The following ITGAE variants were observed in gnomAD, a reference collection of about 807,000 sequenced individuals.
The protein encoded by ITGAE is integrin alpha-E.
ITGAE carries 99 observed loss-of-function variants against 136.5 expected under a neutral mutation model. The ratio of observed to expected loss-of-function variants is 0.73; its 90% confidence interval spans 0.62 to 0.86. The LOEUF (loss-of-function observed/expected upper bound fraction) is 0.86, where lower values mean the gene tolerates loss of function less well. Ranked by LOEUF, ITGAE falls within the 40% of genes least tolerant of loss-of-function variation. The probability of loss-of-function intolerance (pLI) is 0.00; values close to 1 mark genes in which losing one functional copy is unlikely to be tolerated. For missense variants in ITGAE, 1,447 were observed against 1,515.3 expected, an observed-to-expected ratio of 0.95 and a Z score of 0.75; for synonymous variants, 613 against 591.8, an observed-to-expected ratio of 1.04 and a Z score of -0.52.
chr17:3,764,259 A>G (rs2052240475), intron 2 of ITGAE, among the ~76,000 whole-genome samples: 1 of 152,098 alleles, frequency 6.6e-6, no homozygotes, highest in Non-Finnish European at 1.5e-5. Flanking sequence ...AGGGATGGGG[A>G]GGCCAGAAAA....
chr17:3,794,168 G>A (rs977957937), intron 1 of ITGAE, among the ~76,000 whole-genome samples: 3 of 151,712 alleles, frequency 2.0e-5, no homozygotes, highest in Non-Finnish European at 4.4e-5. Flanking sequence ...TAGTAGAGAC[G>A]GGGTTTTGCC....
chr17:3,772,211 G>A (rs2052440837), intron 2 of ITGAE, among the ~76,000 whole-genome samples: 2 of 152,092 alleles, frequency 1.3e-5, no homozygotes, highest in African/African-American at 2.4e-5. Context: ...CACCTGCCTC[G>A]ATGCGCCCCC....
At chr17:3,784,697 A>T (rs887759061) in intron 1 of ITGAE, among the ~76,000 whole-genome samples, 20 of 152,178 alleles carry the variant, frequency 1.3e-4, no homozygotes, top group African/African-American at 4.8e-4. Context: ...CCTCAGAAAC[A>T]TTATTTTCAA....
Position 3,719,234 on chromosome 17 carries a change from T to TAAAAAAAAAAAAAAAAAAAAAA in ITGAE, c.3333+1072_3333+1073insTTTTTTTTTTTTTTTTTTTTTT, listed in dbSNP as rs2050999265. 3.2e-4 allele frequency among the ~76,000 whole-genome samples: 11 copies of TAAAAAAAAAAAAAAAAAAAAAA among 34,704 alleles called. 2 individuals are homozygous for TAAAAAAAAAAAAAAAAAAAAAA. Among genetic ancestry groups the TAAAAAAAAAAAAAAAAAAAAAA allele is most frequent in the African/African-American group, 1.4e-3 (11 of 8,136 alleles). The allele number at this position is 34,704 out of a possible 152,430, so 22.8% of individuals were successfully genotyped here. Reference sequence around the variant, plus strand: ...CTGGGCGACACAGTGAGATTCTTCCTCAAAAAAAAAAAAAAAAAAAAAGAA... The same window carrying TAAAAAAAAAAAAAAAAAAAAAA: ...CTGGGCGACACAGTGAGATTCTTCCTAAAAAAAAAAAAAAAAAAAAAACAAAAAAAAAAAAAAAAAAAAAGAA... On this transcript the variant is annotated intron_variant, in intron 29 of 30. Transcript: ENST00000263087.
intron 1 of ITGAE, among the ~76,000 whole-genome samples, chr17:3,783,222 C>A (rs904632501): frequency 1.2e-4 from 18 of 152,326 alleles, no homozygotes; most frequent in African/African-American, 3.8e-4. Context: ...CTCACCGCAA[C>A]CTCTGGCTCT....
intron 1 of ITGAE, among the ~76,000 whole-genome samples, chr17:3,786,782 C>T (rs565632791): frequency 5.4e-5 from 8 of 148,968 alleles, no homozygotes; most frequent in South Asian, 2.2e-4. Flanking sequence ...CCCAGCTACT[C>T]GGGAGGCTGA....
chr17:3,773,736 C>T (rs2052479953), intron 2 of ITGAE, among the ~76,000 whole-genome samples: 2 of 152,086 alleles, frequency 1.3e-5, no homozygotes, highest in Admixed American at 1.3e-4. Context: ...ACCTTCAGCC[C>T]TTCTCTCCCA....
At chr17:3,760,430 CTTTTTTT>C (rs1208333239) in intron 6 of ITGAE, 143 bp from the exon 7 acceptor site, 28 of 64,206 alleles carry the variant, frequency 4.4e-4, no homozygotes, top group Admixed American at 3.2e-3. Flanking sequence ...AAGAGGGAAG[CTTTTTTT>C]TTTTTTTTTT....
intron 16 of ITGAE, among the ~76,000 whole-genome samples, chr17:3,748,990 G>A (rs1299779061): frequency 6.6e-6 from 1 of 152,190 alleles, no homozygotes; most frequent in African/African-American, 2.4e-5. Flanking sequence ...GCTGCTGTGT[G>A]GAGAATGGAG....
intron 30 of ITGAE, among the ~76,000 whole-genome samples, chr17:3,715,491 A>G (rs1465021382): frequency 1.3e-5 from 2 of 152,208 alleles, no homozygotes; most frequent in African/African-American, 2.4e-5. Flanking sequence ...CATGGAGGGC[A>G]TTCCTGACAA....
intron 9 of ITGAE, among the ~76,000 whole-genome samples, chr17:3,757,398 C>G (rs543033964): frequency 6.6e-6 from 1 of 152,280 alleles, no homozygotes; most frequent in East Asian, 1.9e-4. Context: ...CCCTCTCTGC[C>G]TCCCCTGTGC....
intron 1 of ITGAE, among the ~76,000 whole-genome samples, chr17:3,795,677 G>A (rs997170161): frequency 1.2e-4 from 19 of 152,238 alleles, no homozygotes; most frequent in African/African-American, 3.1e-4. Flanking sequence ...GCCGTGCGGC[G>A]GCTCACTGAG....
Position 3,759,509 on chromosome 17 carries a change from C to T in ITGAE, c.759G>A (p.Glu253=). The T allele has an allele frequency of 6.2e-7, 1 of 1,614,204 alleles. No individual in the cohort carries two copies. The highest frequency in any genetic ancestry group is 8.5e-7 in the Non-Finnish European group (1 of 1,180,034). ...CATCCTGGCTGTCCCGAAGGTCAAA[C>T]TCAGTCTGGATCACTCCTCCATACT... ...LVQYGGVIQT[E]FDLRDSQDVM... The change falls in exon 8 of 31, where the codon GAG becomes GAA. Residue 253 remains glutamate (E), a synonymous_variant. Coordinates refer to ENST00000263087, the MANE Select transcript of ITGAE (RefSeq NM_002208.5).
In ITGAE at chr17:3,755,247, G is replaced by C. The variant is rs764766538; in HGVS notation, c.1254C>G (p.Leu418=). 2 of 1,575,680 alleles carry C rather than the reference G, an allele frequency of 1.3e-6. No individual in the cohort carries two copies. Among genetic ancestry groups the C allele is most frequent in the Middle Eastern group, 1.7e-4 (1 of 6,008 alleles). ...ACCAGTCAAAGGCCCCGACGGCGCC[G>C]AGCAGCACCTGCCGCTGAAGGGGAC... ...AQILDERQVL[L]GAVGAFDWSG... is the part of the protein sequence containing the mutation. Residue 418 remains leucine, a synonymous_variant, in exon 12 of 31, where the codon CTC becomes CTG. Coordinates refer to ENST00000263087, the MANE Select transcript of ITGAE (RefSeq NM_002208.5).
At chr17:3,796,949 C>T (rs891504692) in intron 1 of ITGAE, among the ~76,000 whole-genome samples, 5 of 151,966 alleles carry the variant, frequency 3.3e-5, no homozygotes, top group African/African-American at 7.2e-5. Flanking sequence ...AGCGGGGCCT[C>T]GTGGGAGGAC....
At chr17:3,730,708 A>G (rs1269272608) in intron 23 of ITGAE, among the ~76,000 whole-genome samples, 1 of 152,052 alleles carries the variant, frequency 6.6e-6, no homozygotes, top group African/African-American at 2.4e-5. Context: ...GGCAATCAAA[A>G]CAGGCACAGC....
At chr17:3,741,066 T>C (rs1030510545) in intron 19 of ITGAE, among the ~76,000 whole-genome samples, 1 of 143,132 alleles carries the variant, frequency 7.0e-6, no homozygotes, top group Admixed American at 7.5e-5. Context: ...GGGTTTTTTG[T>C]TGTATTTTTT....
At chr17:3,768,207 C>T (rs542084317) in intron 2 of ITGAE, among the ~76,000 whole-genome samples, 24 of 152,268 alleles carry the variant, frequency 1.6e-4, no homozygotes, top group African/African-American at 5.5e-4. Flanking sequence ...TCACTGCAGC[C>T]TTGACCTCCC....
chr17:3,753,701 A>G (rs1297605872), intron 13 of ITGAE, 82 bp downstream of exon 13: 1 of 1,544,684 alleles, frequency 6.5e-7, no homozygotes, highest in Non-Finnish European at 8.8e-7. Flanking sequence ...CCCACTGTGC[A>G]CCGTGGGACC....
Sources: gnomAD v4.1 joint callset for allele counts (sites outside exome capture counted in the v4.1 genomes callset) on GRCh38, gnomAD v4.1.1 for gene constraint, MANE v1.5 for transcripts, NCBI Gene and HGNC (gene_info 2026-07-23, HGNC 2026-07-21) for gene names.